CR1: variants seen among roughly 807,000 people sequenced by gnomAD.
The protein encoded by CR1 is complement C3b/C4b receptor 1 (Knops blood group).
Under a neutral mutation model 187.3 loss-of-function variants are expected in CR1, and 116 were observed. The observed-to-expected ratio is 0.62, with a 90% CI of 0.53 to 0.72. The LOEUF (loss-of-function observed/expected upper bound fraction) is 0.72, where lower values mean the gene tolerates loss of function less well. Ranked by LOEUF, CR1 falls within the 30% of genes least tolerant of loss-of-function variation. The pLI, the probability that CR1 is intolerant of heterozygous loss-of-function variation, is 0.00. For missense variants in CR1, 1,731 were observed against 2,110.7 expected, an observed-to-expected ratio of 0.82 and a Z score of 3.52; for synonymous variants, 576 against 747.1, an observed-to-expected ratio of 0.77 and a Z score of 3.73.
chr1:207,590,149 C>A (rs1180969085), intron 35 of CR1, among the ~76,000 whole-genome samples: 1 of 152,030 alleles, frequency 6.6e-6, no homozygotes, highest in Non-Finnish European at 1.5e-5. Context: ...CCCCAAGACA[C>A]GTAATTGTCA....
intron 28 of CR1, 86 bp downstream of exon 28, chr1:207,575,766 T>A: frequency 6.3e-7 from 1 of 1,587,232 alleles, no homozygotes. Flanking sequence ...ATCTCATCCC[T>A]CTTGGAAATG....
At chr1:207,633,495 T>A (rs896260476) in intron 46 of CR1, among the ~76,000 whole-genome samples, 1 of 152,200 alleles carries the variant, frequency 6.6e-6, no homozygotes, top group Admixed American at 6.5e-5. Context: ...GTACATAACC[T>A]ATAGTAATTG....
intron 32 of CR1, among the ~76,000 whole-genome samples, chr1:207,583,684 G>A (rs1228956478): frequency 6.6e-6 from 1 of 152,084 alleles, no homozygotes; most frequent in Non-Finnish European, 1.5e-5. Context: ...TCAATGTCTT[G>A]TATTGATTTA....
chr1:207,623,097 T>C (rs1662362781), intron 45 of CR1, 29 bp downstream of exon 45: 2 of 1,471,078 alleles, frequency 1.4e-6, no homozygotes, highest in African/African-American at 1.4e-5. Context: ...TCCCAAGAAA[T>C]GTAAACTGTA....
intron 35 of CR1, among the ~76,000 whole-genome samples, chr1:207,589,930 A>C (rs980500677): frequency 6.6e-6 from 1 of 152,200 alleles, no homozygotes; most frequent in Non-Finnish European, 1.5e-5. Context: ...AAAGGAATGA[A>C]CAAAGCCTCC....
chr1:207,544,843 T>A (rs1243890583), intron 13 of CR1, among the ~76,000 whole-genome samples: 1 of 111,712 alleles, frequency 9.0e-6, no homozygotes, highest in East Asian at 2.8e-4. Flanking sequence ...GGACGCTCTT[T>A]GTTGCACCAG....
chr1:207,580,462 A>G lies in CR1; in HGVS notation c.5113+46A>G, dbSNP rs145806199. On this transcript the variant is annotated intron_variant, in intron 30 of 46. Transcript: ENST00000367049. ...CCAGATTTCTCTCTTTACCCCACAC[A>G]TGGAGGTCTTACTCCTATTTTTTCT... 5.2e-5 allele frequency: 83 copies of G among 1,602,462 alleles called. 1 individual carries two copies. The East Asian group carries it at 1.8e-3, about 35-fold the overall frequency.
At chr1:207,499,589 C>A (rs1189502937) in intron 1 of CR1, among the ~76,000 whole-genome samples, 1 of 152,186 alleles carries the variant, frequency 6.6e-6, no homozygotes, top group African/African-American at 2.4e-5. Context: ...AGCACATATT[C>A]TCCCGCTTAC....
chr1:207,514,218 T>C (rs1481164041), intron 4 of CR1, among the ~76,000 whole-genome samples: 1 of 152,234 alleles, frequency 6.6e-6, no homozygotes, highest in Non-Finnish European at 1.5e-5. Flanking sequence ...ATCATTTTTA[T>C]ATATGGCAAA....
chr1:207,511,080 C>G lies in CR1; in HGVS notation c.402-489C>G, dbSNP rs376477613. 3.1e-4 allele frequency among the ~76,000 whole-genome samples: 47 copies of G among 152,186 alleles called. No individual in the cohort carries two copies. In the Middle Eastern group the frequency reaches 0.01, roughly 33 times the overall value. On this transcript the variant is annotated intron_variant, in intron 3 of 46. Transcript: ENST00000367049. ...CAAGCAATCCTCTTGCCTCAGCCCC[C>G]CAAAGTGCTGGAATTACAGGGGTGA...
chr1:207,572,842 G>A (rs1193314959), intron 27 of CR1, among the ~76,000 whole-genome samples: 2 of 148,714 alleles, frequency 1.3e-5, no homozygotes, highest in Non-Finnish European at 3.0e-5. Flanking sequence ...GCATGTGGCA[G>A]CAGAACTCCA....
intron 39 of CR1, among the ~76,000 whole-genome samples, chr1:207,612,806 C>A (rs919237507): frequency 1.3e-5 from 2 of 152,256 alleles, no homozygotes; most frequent in African/African-American, 4.8e-5. Context: ...GCAGTGCTGG[C>A]GGCTGGACCA....
At chr1:207,616,476 A>G in intron 40 of CR1, 99 bp from the exon 41 acceptor site, 1 of 1,374,158 alleles carries the variant, frequency 7.3e-7, no homozygotes, top group Non-Finnish European at 9.9e-7. Flanking sequence ...TTCTTTCTAA[A>G]AGTTATATTC....
chr1:207,576,383 G>A (rs889706155), intron 28 of CR1, among the ~76,000 whole-genome samples: 1 of 152,162 alleles, frequency 6.6e-6, no homozygotes, highest in Non-Finnish European at 1.5e-5. Context: ...CGCATTCAGG[G>A]TGGTATGGCT....
chr1:207,605,456 A>G (rs1661722942), intron 35 of CR1, among the ~76,000 whole-genome samples: 2 of 152,088 alleles, frequency 1.3e-5, no homozygotes, highest in Non-Finnish European at 2.9e-5. Flanking sequence ...ACCACATTTT[A>G]CCCTATAAAT....
At chr1:207,577,508 G>A (rs547586824) in intron 28 of CR1, among the ~76,000 whole-genome samples, 18 of 152,234 alleles carry the variant, frequency 1.2e-4, no homozygotes, top group Admixed American at 8.5e-4. Flanking sequence ...GGTGGCTCAC[G>A]CTTATAATCC....
chr1:207,584,590 C>A lies in CR1; in HGVS notation c.5303-59C>A, dbSNP rs1029915175. The A allele has an allele frequency of 4.9e-5, 77 of 1,564,522 alleles. 1 individual carries two copies. In the South Asian group the frequency reaches 9.1e-4, roughly 19 times the overall value. On this transcript the variant is annotated intron_variant, in intron 32 of 46. Coordinates refer to ENST00000367049, the MANE Select transcript of CR1 (RefSeq NM_000651.6). Reference sequence around the variant, plus strand: ...AGTCACAGTATGACAACTGTAGAATCACCTTGGATTATACTTTAAAATTTT... The same window carrying A: ...AGTCACAGTATGACAACTGTAGAATAACCTTGGATTATACTTTAAAATTTT...
chr1:207,565,873 T>C lies in CR1; in HGVS notation c.3902T>C (p.Val1301Ala). ...QLKGSSASYCVLAGMESLWNS... is the reference protein window; with the variant it reads ...QLKGSSASYCALAGMESLWNS... Reference sequence around the variant, plus strand: ...AAAGGCAGCTCTGCTAGTTATTGTGTCTTGGCTGGAATGGAAAGCCTTTGG... The same window carrying C: ...AAAGGCAGCTCTGCTAGTTATTGTGCCTTGGCTGGAATGGAAAGCCTTTGG... The change falls in exon 24 of 47, where the codon GTC becomes GCC. Residue 1301 changes from valine to alanine, a missense_variant. Transcript: ENST00000367049. 1 of 1,610,900 alleles carries C rather than the reference T, an allele frequency of 6.2e-7. No homozygotes were observed. Among genetic ancestry groups the C allele is most frequent in the Non-Finnish European group, 8.5e-7 (1 of 1,179,738 alleles).
chr1:207,634,801 C>T (rs958364107), intron 46 of CR1, among the ~76,000 whole-genome samples: 3 of 152,140 alleles, frequency 2.0e-5, no homozygotes, highest in African/African-American at 7.2e-5. Context: ...GAAGCTGACC[C>T]CTCCAAGATG....
Sources: allele counts gnomAD v4.1 joint callset (sites outside exome capture counted in the v4.1 genomes callset), GRCh38; gene constraint gnomAD v4.1.1; transcripts MANE v1.5; gene names NCBI Gene and HGNC (gene_info 2026-07-23, HGNC 2026-07-21).